Variants in MDH1B observed in about 807,000 individuals in gnomAD.
The protein encoded by MDH1B is malate dehydrogenase 1B.
A neutral mutation model predicts 61.4 loss-of-function variants in MDH1B; 60 were observed. That is an observed-to-expected ratio of 0.98 (90% CI 0.79 to 1.21). The LOEUF (loss-of-function observed/expected upper bound fraction) is 1.21, where lower values mean the gene tolerates loss of function less well. Ranked by LOEUF, MDH1B falls within the 50% of genes most tolerant of loss-of-function variation. The pLI is 0.00. For synonymous variants in MDH1B, 236 were observed against 218.7 expected, an observed-to-expected ratio of 1.08 and a Z score of -0.70; for missense variants, 587 against 632.1, an observed-to-expected ratio of 0.93 and a Z score of 0.76.
chr2:206,756,843 TC>T, intron 4 of MDH1B, 54 bp downstream of exon 4: 1 of 1,588,612 alleles, frequency 6.3e-7, no homozygotes, highest in Non-Finnish European at 8.6e-7. Context: ...CATCTCATTG[TC>T]CTTTCTAAAT....
At chr2:206,746,775 C>T (rs1688135104) in intron 7 of MDH1B, among the ~76,000 whole-genome samples, 1 of 152,138 alleles carries the variant, frequency 6.6e-6, no homozygotes, top group South Asian at 2.1e-4. Flanking sequence ...TCCATCTGGC[C>T]TTCCACTCTT....
intron 9 of MDH1B, among the ~76,000 whole-genome samples, chr2:206,743,822 A>G (rs942007538): frequency 3.9e-5 from 6 of 152,076 alleles, no homozygotes; most frequent in Admixed American, 3.3e-4. Flanking sequence ...CCAGTTGTTC[A>G]GCCAGAAGAA....
chr2:206,751,042 C>A lies in MDH1B; in HGVS notation c.944G>T (p.Ser315Ile). The A allele has an allele frequency of 6.2e-7, 1 of 1,605,552 alleles. No individual in the cohort carries two copies. The highest frequency in any genetic ancestry group is 8.5e-7 in the Non-Finnish European group (1 of 1,174,120). Residue 315 changes from serine (S) to isoleucine (I), a missense_variant, in exon 6 of 12, where the codon AGT becomes ATT. Coordinates refer to ENST00000374412, the MANE Select transcript of MDH1B (RefSeq NM_001039845.3). ...IKDVIIWGNI[S>I]GNNYVDLRKT... ...TCTCAGATCAACGTAATTATTTCCA[C>A]TGATATTACCCCAAATGATCACGTC...
At chr2:206,761,317 CTACTAATTCAG>C (rs1689079049) in intron 1 of MDH1B, among the ~76,000 whole-genome samples, 1 of 152,150 alleles carries the variant, frequency 6.6e-6, no homozygotes, top group Non-Finnish European at 1.5e-5. Context: ...CTGCTAACTA[CTACTAATTCAG>C]CATGAATTAG....
rs781745177 is a variant in MDH1B, at chr2:206,749,177, C to T, written c.1059G>A (p.Trp353Ter). The change falls in exon 7 of 12, where the codon TGG becomes TGA. Residue 353 changes from tryptophan to a stop codon, truncating the protein, a stop_gained. Transcript: ENST00000374412. LOFTEE classifies it high-confidence loss of function. ...PVLNLIFDSE[W>*]VKREFVAILK... ...GAATTGCCACAAATTCTCTTTTTAC[C>T]CACTCACTGTAAGGAGAGAAAGAAA... The T allele has an allele frequency of 7.4e-6, 12 of 1,613,630 alleles. No homozygotes were observed. The highest frequency in any genetic ancestry group is 1.1e-5 in the South Asian group (1 of 91,056).
intron 1 of MDH1B, 106 bp from the exon 2 acceptor site, chr2:206,761,119 A>G: frequency 1.7e-6 from 1 of 589,612 alleles, no homozygotes; most frequent in Non-Finnish European, 2.9e-6. Flanking sequence ...TTATGATATA[A>G]TTTGATAACA....
At position 206,757,243 on chromosome 2, in the gene MDH1B, A is replaced by C. The variant is rs1188165826; in HGVS notation, c.264T>G (p.His88Gln). 2 of 1,613,100 alleles carry C rather than the reference A, an allele frequency of 1.2e-6. No homozygotes were observed. Among genetic ancestry groups the C allele is most frequent in the Admixed American group, 1.7e-5 (1 of 59,880 alleles). ...GATAAGTTAACTTATATACCTGAGC[A>C]TGCTCCAGGAACTCATTATATCCTC... ...LLGGYNEFLE[H>Q]AQLYYDVTSS... Residue 88 changes from histidine (H) to glutamine (Q), a missense_variant, in exon 3 of 12, where the codon CAT (histidine) becomes CAG (glutamine). By Grantham distance (24) the His-to-Gln change is conservative. Transcript: ENST00000374412.
At chr2:206,760,091 G>A (rs1689003987) in intron 2 of MDH1B, among the ~76,000 whole-genome samples, 1 of 152,220 alleles carries the variant, frequency 6.6e-6, no homozygotes, top group Non-Finnish European at 1.5e-5. Flanking sequence ...ATTATAGGGA[G>A]CATGTGGATC....
intron 5 of MDH1B, 103 bp from the exon 6 acceptor site, chr2:206,751,178 G>T: frequency 1.3e-6 from 1 of 759,046 alleles, no homozygotes; most frequent in Non-Finnish European, 2.0e-6. Context: ...TTTTAGGATT[G>T]GTCTTTTTGG....
rs145977926 is a variant in MDH1B, at chr2:206,755,074, A to G, written c.845T>C (p.Val282Ala). Residue 282 changes from valine to alanine, a missense_variant, in exon 5 of 12, where the codon GTG (valine) becomes GCG (alanine). Val to Ala is a moderately conservative substitution (Grantham distance 64). Coordinates refer to ENST00000374412, the MANE Select transcript of MDH1B (RefSeq NM_001039845.3). ...APRIAHNIIA[V>A]ALGVEGEAKA... ...CGCTTCACCTTCCACCCCCAGCGCCACAGCAATAATGTTGTGTGCAATGCG... is the reference window on the plus strand; with the variant it reads ...CGCTTCACCTTCCACCCCCAGCGCCGCAGCAATAATGTTGTGTGCAATGCG... The G allele has an allele frequency of 4.3e-6, 7 of 1,614,106 alleles. No individual in the cohort carries two copies. In the African/African-American group the frequency reaches 9.3e-5, roughly 22 times the overall value.
intron 2 of MDH1B, among the ~76,000 whole-genome samples, chr2:206,759,017 G>A (rs1421355467): frequency 6.7e-6 from 1 of 150,078 alleles, no homozygotes; most frequent in Non-Finnish European, 1.5e-5. Context: ...GGGTACAAGT[G>A]CAGTTTTGTT....
intron 11 of MDH1B, 150 bp downstream of exon 11, chr2:206,739,443 G>A (rs1687683174): frequency 4.3e-6 from 3 of 690,534 alleles, no homozygotes; most frequent in Admixed American, 2.9e-5. Context: ...TGGGATCCAG[G>A]AGAGTAAGCA....
Position 206,750,945 on chromosome 2 carries a change from C to G in MDH1B, c.1041G>C (p.Leu347Phe), listed in dbSNP as rs751706207. Reference sequence around the variant, plus strand: ...AAAATATACTGTACCTGTCAAAAATCAAGTTTAAAACAGGGCGTGAATAAT... The same window carrying G: ...AAAATATACTGTACCTGTCAAAAATGAAGTTTAAAACAGGGCGTGAATAAT... ...PLHYSRPVLN[L>F]IFDSEWVKRE... The change falls in exon 6 of 12, where the codon TTG (leucine) becomes TTC (phenylalanine). Residue 347 changes from leucine (L) to phenylalanine (F), a missense_variant. Physicochemically the swap from Leu to Phe is conservative, Grantham distance 22 (BLOSUM62 0). Coordinates refer to ENST00000374412, the MANE Select transcript of MDH1B (RefSeq NM_001039845.3). The G allele has an allele frequency of 2.5e-6, 4 of 1,605,884 alleles. No homozygotes were observed. Among genetic ancestry groups the G allele is most frequent in the African/African-American group, 1.3e-5 (1 of 74,772 alleles).
chr2:206,744,831 A>C (rs1372457445), intron 9 of MDH1B, among the ~76,000 whole-genome samples: 1 of 152,128 alleles, frequency 6.6e-6, no homozygotes, highest in Non-Finnish European at 1.5e-5. Context: ...AGGCTGAGAC[A>C]GGAGAATCGC....
At chr2:206,742,155 A>G (rs778672391) in intron 9 of MDH1B, among the ~76,000 whole-genome samples, 112 of 152,328 alleles carry the variant, frequency 7.4e-4, no homozygotes, top group Non-Finnish European at 1.4e-3. Context: ...CAAATCTGCA[A>G]AGATTGCCCT....
chr2:206,764,026 T>C (rs1689269604), intron 1 of MDH1B, among the ~76,000 whole-genome samples: 1 of 152,274 alleles, frequency 6.6e-6, no homozygotes, highest in Non-Finnish European at 1.5e-5. Context: ...GGGCCAGGTG[T>C]GGTGGTGCAT....
intron 2 of MDH1B, among the ~76,000 whole-genome samples, chr2:206,758,497 G>A (rs539598166): frequency 6.6e-6 from 1 of 152,244 alleles, no homozygotes; most frequent in Non-Finnish European, 1.5e-5. Context: ...CAGGTGTGGT[G>A]GCTCACTCCT....
intron 1 of MDH1B, among the ~76,000 whole-genome samples, chr2:206,761,606 ATATATGTATATGTATATGTACATG>A (rs1689096516): frequency 6.6e-6 from 1 of 152,076 alleles, no homozygotes; most frequent in Non-Finnish European, 1.5e-5. Context: ...GTAGCTGGAT[ATATATGTATATGTATATGTACATG>A]TATATGTATA....
chr2:206,746,003 C>CA (rs1429691949), intron 8 of MDH1B, among the ~76,000 whole-genome samples: 2 of 152,152 alleles, frequency 1.3e-5, no homozygotes, highest in Non-Finnish European at 2.9e-5. Context: ...CAAAGTATTA[C>CA]AGGCATGAGC....
Sources: gnomAD v4.1 joint callset for allele counts (sites outside exome capture counted in the v4.1 genomes callset) on GRCh38, gnomAD v4.1.1 for gene constraint, MANE v1.5 for transcripts, NCBI Gene and HGNC (gene_info 2026-07-23, HGNC 2026-07-21) for gene names.